ALDH9A1: variants seen among roughly 807,000 people sequenced by gnomAD.
ALDH9A1 encodes 4-trimethylaminobutyraldehyde dehydrogenase.
Under a neutral mutation model 56.6 loss-of-function variants are expected in ALDH9A1, and 42 were observed. The observed-to-expected ratio is 0.74, with a 90% CI of 0.58 to 0.96. The LOEUF (loss-of-function observed/expected upper bound fraction) is 0.96. Ranked by LOEUF, ALDH9A1 falls within the 40% of genes least tolerant of loss-of-function variation. ALDH9A1 has a pLI of 0.00. For missense variants in ALDH9A1, 661 were observed against 651.5 expected, an observed-to-expected ratio of 1.01 and a Z score of -0.16; for synonymous variants, 242 against 236.0, an observed-to-expected ratio of 1.03 and a Z score of -0.23.
chr1:165,669,459 C>A lies in ALDH9A1; in HGVS notation c.931-9G>T. ...GTGCCATTACAGCAAACCTAAAGGACAAACACAAGACATCAATTTCTATGT... is the reference window on the plus strand; with the variant it reads ...GTGCCATTACAGCAAACCTAAAGGAAAAACACAAGACATCAATTTCTATGT... On this transcript the variant is annotated splice_polypyrimidine_tract_variant and intron_variant, in intron 6 of 10. Transcript: ENST00000354775. 1 of 1,596,810 alleles carries A rather than the reference C, an allele frequency of 6.3e-7. No individual in the cohort carries two copies. Among genetic ancestry groups the A allele is most frequent in the Non-Finnish European group, 8.5e-7 (1 of 1,172,636 alleles).
chr1:165,670,382 A>G (rs1649138478), intron 6 of ALDH9A1, among the ~76,000 whole-genome samples: 1 of 151,978 alleles, frequency 6.6e-6, no homozygotes, highest in South Asian at 2.1e-4. Context: ...ACACACAGTG[A>G]ACCCTGACTG....
chr1:165,689,439 G>C (rs1649812310), intron 2 of ALDH9A1, among the ~76,000 whole-genome samples: 1 of 152,128 alleles, frequency 6.6e-6, no homozygotes, highest in Admixed American at 6.5e-5. Flanking sequence ...CTCAACCCTG[G>C]AGATTTGCTT....
intron 6 of ALDH9A1, among the ~76,000 whole-genome samples, chr1:165,673,309 G>A (rs1052204562): frequency 2.6e-5 from 4 of 152,130 alleles, no homozygotes; most frequent in African/African-American, 9.7e-5. Flanking sequence ...AACAAGTGTT[G>A]GTGAGGATGC....
Position 165,662,433 on chromosome 1 carries a change from T to G in ALDH9A1, c.*617A>C, listed in dbSNP as rs12670. On this transcript the variant is annotated 3_prime_UTR_variant, in exon 11 of 11. Coordinates refer to ENST00000354775, the MANE Select transcript of ALDH9A1 (RefSeq NM_000696.4). ...ACAGAATTTGACCCCATCTATTATC[T>G]AATCCCCTCCCTATCCCAGTTGTCA... 0.22 allele frequency: 33,509 copies of G among 152,338 alleles called. 4,978 individuals carry two copies. The highest frequency in any genetic ancestry group is 0.8 in the East Asian group (4,134 of 5,158). The allele number at this position is 152,338 out of a possible 1,614,324, so 9.4% of individuals were successfully genotyped here. A position where few individuals can be genotyped will look rare whatever the true frequency, so the allele number is the denominator to read the frequency against.
intron 2 of ALDH9A1, among the ~76,000 whole-genome samples, chr1:165,694,880 C>T (rs1011818643): frequency 2.0e-5 from 3 of 150,540 alleles, no homozygotes; most frequent in African/African-American, 4.9e-5. Context: ...TGCTTGAGCC[C>T]GGGAGGCGAA....
chr1:165,689,860 G>A (rs1202098114), intron 2 of ALDH9A1, among the ~76,000 whole-genome samples: 1 of 151,612 alleles, frequency 6.6e-6, no homozygotes, highest in Admixed American at 6.6e-5. Context: ...CTTGAACCCA[G>A]GAGGCGGAGG....
At position 165,665,117 on chromosome 1, in the gene ALDH9A1, C is replaced by G. The variant is rs767191060; in HGVS notation, c.1363G>C (p.Ala455Pro). 6.2e-7 allele frequency: 1 copy of G among 1,613,646 alleles called. No individual in the cohort carries two copies. The highest frequency in any genetic ancestry group is 1.7e-5 in the Admixed American group (1 of 59,962). The part of the protein sequence containing the change: ...AGVFTRDIQR[A>P]HRVVAELQAG... ...TGAAGCTCAGCTACCACTCTATGAG[C>G]CCGTTGGATGTCCCTATGAAGAAAA... Residue 455 changes from alanine to proline, a missense_variant, in exon 10 of 11, where the codon GCT (alanine) becomes CCT (proline). By Grantham distance (27) the Ala-to-Pro change is conservative (BLOSUM62 -1). Coordinates refer to ENST00000354775, the MANE Select transcript of ALDH9A1 (RefSeq NM_000696.4).
At chr1:165,690,079 A>G (rs142140789) in intron 2 of ALDH9A1, among the ~76,000 whole-genome samples, 1 of 26,234 alleles carries the variant, frequency 3.8e-5, no homozygotes, top group African/African-American at 1.3e-4. Flanking sequence ...AAATATACAT[A>G]TATTACACAT....
At chr1:165,683,314 G>A (rs372107816) in intron 2 of ALDH9A1, among the ~76,000 whole-genome samples, 15 of 151,378 alleles carry the variant, frequency 9.9e-5, no homozygotes, top group Non-Finnish European at 1.3e-4. Context: ...TTAATTAATC[G>A]ACAAAGATTT....
chr1:165,665,251 A>G (rs573007942), intron 9 of ALDH9A1, 121 bp from the exon 10 acceptor site: 3 of 782,828 alleles, frequency 3.8e-6, no homozygotes, highest in African/African-American at 3.5e-5. Flanking sequence ...TTTCTTCAAA[A>G]TGTTTTAAAA....
rs1252395905 is a variant in ALDH9A1, at chr1:165,669,393, C to T, written c.988G>A (p.Glu330Lys). The T allele has an allele frequency of 3.1e-6, 5 of 1,613,844 alleles. No homozygotes were observed. The East Asian group carries it at 1.1e-4, about 36-fold the overall frequency. The change falls in exon 7 of 11, where the codon GAG (glutamate) becomes AAG (lysine). Residue 330 changes from glutamate (E) to lysine (K), a missense_variant. By Grantham distance (56) the Glu-to-Lys change is moderately conservative (BLOSUM62 1). Coordinates refer to ENST00000354775, the MANE Select transcript of ALDH9A1 (RefSeq NM_000696.4). ...CTTTGGGTCTGTTTCACCACTTCCT[C>T]TGTAAATTTATCAAGAATTTCTTTC... Reference protein sequence around the residue: ...VQKEILDKFTEEVVKQTQRIK... With the variant: ...VQKEILDKFTKEVVKQTQRIK...
At chr1:165,676,701 T>G in intron 6 of ALDH9A1, 1 of 460,140 alleles carries the variant, frequency 2.2e-6, no homozygotes. Context: ...ACCAGCCTAC[T>G]CCACCCAGGG....
Position 165,680,336 on chromosome 1 carries a change from T to C in ALDH9A1, c.789+151A>G, listed in dbSNP as rs150509508. On this transcript the variant is annotated intron_variant, in intron 5 of 10. Transcript: ENST00000354775. ...TCCCCCTTCATACTTTTACAGGAAATTTCACACCTCTGCCTAATAAAATCT... is the reference window on the plus strand; with the variant it reads ...TCCCCCTTCATACTTTTACAGGAAACTTCACACCTCTGCCTAATAAAATCT... 503 of 825,274 alleles carry C rather than the reference T, an allele frequency of 6.1e-4. 2 individuals are homozygous for C. In the African/African-American group the frequency reaches 6.3e-3, roughly 10 times the overall value. The allele number at this position is 825,274 out of a possible 1,614,324, so 51.1% of individuals were successfully genotyped here.
intron 6 of ALDH9A1, among the ~76,000 whole-genome samples, chr1:165,676,153 T>G (rs535963387): frequency 6.6e-6 from 1 of 152,278 alleles, no homozygotes; most frequent in East Asian, 1.9e-4. Flanking sequence ...TACAAACATG[T>G]ATTTCCCAGC....
rs1650036112 is a variant in ALDH9A1 at position 165,695,279 on chromosome 1, G to A, written c.300C>T (p.Ile100=). ...TTATTATCCTGGCAGCCTCCAAAAG[G>A]ATTCGGCAACGCTCCATGCCAGATT... ...SQKSGMERCR[I]LLEAARIIRE... The change falls in exon 2 of 11, where the codon ATC becomes ATT. Residue 100 remains isoleucine, a synonymous_variant. Coordinates refer to ENST00000354775, the MANE Select transcript of ALDH9A1 (RefSeq NM_000696.4). 6.2e-7 allele frequency: 1 copy of A among 1,611,010 alleles called. No individual in the cohort carries two copies. Among genetic ancestry groups the A allele is most frequent in the South Asian group, 1.1e-5 (1 of 90,550 alleles).
chr1:165,696,410 T>G (rs1286099809), intron 1 of ALDH9A1, among the ~76,000 whole-genome samples: 1 of 152,202 alleles, frequency 6.6e-6, no homozygotes, highest in East Asian at 1.9e-4. Flanking sequence ...TCTTGTAAAA[T>G]GAAAGTCAAA....
In ALDH9A1 at chr1:165,667,454, C is replaced by G. The variant is rs1281955044; in HGVS notation, c.1208-4G>C. ...GTCATGTCGTCTCTGCAATTAGCTG[C>G]AAACATTAAAATAAAACCTCCTGAG... On this transcript the variant is annotated splice_polypyrimidine_tract_variant and splice_region_variant and intron_variant, in intron 8 of 10. Transcript: ENST00000354775. 1.2e-6 allele frequency: 2 copies of G among 1,613,458 alleles called. No individual in the cohort carries two copies. Among genetic ancestry groups the G allele is most frequent in the Non-Finnish European group, 1.7e-6 (2 of 1,179,850 alleles).
chr1:165,673,156 A>T (rs565130109), intron 6 of ALDH9A1, among the ~76,000 whole-genome samples: 14 of 151,966 alleles, frequency 9.2e-5, no homozygotes, highest in African/African-American at 3.4e-4. Flanking sequence ...CTGGATAGAC[A>T]TATTTCCAGA....
intron 2 of ALDH9A1, among the ~76,000 whole-genome samples, chr1:165,688,023 T>TAGA (rs1490799639): frequency 0.026 from 391 of 15,300 alleles, 2 homozygotes; most frequent in African/African-American, 0.069. Context: ...GAAAAGAAAT[T>TAGA]AATTAATTCT....
Sources: gnomAD v4.1 joint callset for allele counts (sites outside exome capture counted in the v4.1 genomes callset) on GRCh38, gnomAD v4.1.1 for gene constraint, MANE v1.5 for transcripts, NCBI Gene and HGNC (gene_info 2026-07-23, HGNC 2026-07-21) for gene names.